SMAP1: variants seen among roughly 807,000 people sequenced by gnomAD.
SMAP1 encodes stromal membrane-associated protein 1.
In SMAP1, 24 loss-of-function variants were observed where a neutral mutation model predicts 58.5. That is an observed-to-expected ratio of 0.41 (90% CI 0.30 to 0.58). The LOEUF is 0.58. Among genes scored for constraint, SMAP1 ranks in the 20% least tolerant of loss-of-function variants. The pLI is 0.29. For synonymous variants in SMAP1, 216 were observed against 196.6 expected (o/e 1.10, Z -0.82); for missense variants, 563 against 566.3 (o/e 0.99, Z 0.06).
At chr6:70,821,831 A>C (rs1192428751) in intron 6 of SMAP1, among the ~76,000 whole-genome samples, 1 of 152,210 alleles carries the variant, frequency 6.6e-6, no homozygotes, top group African/African-American at 2.4e-5. Flanking sequence ...AGTAACTGTG[A>C]TGATAAAGAA....
chr6:70,745,470 T>G (rs1785294697), intron 2 of SMAP1, among the ~76,000 whole-genome samples: 6 of 152,290 alleles, frequency 3.9e-5, no homozygotes, highest in Admixed American at 2.6e-4. Flanking sequence ...GTTTATCAAA[T>G]ATCAGATGGT....
rs539299419 is a variant in SMAP1 at position 70,692,997 on chromosome 6, A to G, written c.118+24856A>G. ...ACAGGGTTTCACCATGTTAGCCAGG[A>G]TGGTCTTGATCTCCTGACTTCATGA... On this transcript the variant is annotated intron_variant, in intron 1 of 10. Coordinates refer to ENST00000370455, the MANE Select transcript of SMAP1 (RefSeq NM_001044305.3). Among the ~76,000 whole-genome samples the G allele has an allele frequency of 2.6e-5, 4 of 152,046 alleles. No individual in the cohort carries two copies. The East Asian group carries it at 7.8e-4, about 30-fold the overall frequency.
intron 6 of SMAP1, among the ~76,000 whole-genome samples, chr6:70,832,336 GC>G (rs1770394951): frequency 6.6e-6 from 1 of 152,040 alleles, no homozygotes; most frequent in Admixed American, 6.6e-5. Context: ...GATAGGCTTT[GC>G]CCACCTTGAT....
intron 1 of SMAP1, among the ~76,000 whole-genome samples, chr6:70,706,554 A>T (rs889705226): frequency 1.3e-5 from 2 of 152,182 alleles, no homozygotes; most frequent in Non-Finnish European, 2.9e-5. Flanking sequence ...AAGTGAGTTC[A>T]TATTTTTGGT....
chr6:70,843,724 G>A (rs1433024327), intron 7 of SMAP1, among the ~76,000 whole-genome samples: 1 of 152,210 alleles, frequency 6.6e-6, no homozygotes, highest in Non-Finnish European at 1.5e-5. Flanking sequence ...TGGTTTAGAG[G>A]TAGTACCTGG....
At chr6:70,770,052 C>A (rs571032015) in intron 3 of SMAP1, among the ~76,000 whole-genome samples, 2 of 150,206 alleles carry the variant, frequency 1.3e-5, no homozygotes, top group South Asian at 4.2e-4. Context: ...CTTGAAAATT[C>A]TTTTAAGAAT....
chr6:70,843,547 G>T (rs1770879851), intron 7 of SMAP1, among the ~76,000 whole-genome samples: 1 of 152,176 alleles, frequency 6.6e-6, no homozygotes, highest in African/African-American at 2.4e-5. Context: ...ACAAAACTGG[G>T]ATTTAGACTG....
In SMAP1 at chr6:70,732,528, C is replaced by A; in HGVS notation, c.252+17C>A. 1 of 1,495,186 alleles carries A rather than the reference C, an allele frequency of 6.7e-7. No individual in the cohort carries two copies. The highest frequency in any genetic ancestry group is 8.9e-7 in the Non-Finnish European group (1 of 1,121,126). 92.6% of individuals were successfully genotyped at this position (1,495,186 alleles called of 1,614,324 possible). On this transcript the variant is annotated intron_variant, in intron 2 of 10. Coordinates refer to ENST00000370455, the MANE Select transcript of SMAP1 (RefSeq NM_001044305.3). ...CAGATACAGGTAAACATGACGTTAC[C>A]AAGAAATTATTTAAAATATTTAAAA...
chr6:70,689,541 T>G (rs1767071149), intron 1 of SMAP1, among the ~76,000 whole-genome samples: 1 of 152,196 alleles, frequency 6.6e-6, no homozygotes, highest in Admixed American at 6.5e-5. Context: ...TTCGAAGTTG[T>G]TATGCCTATT....
chr6:70,736,208 CT>C (rs775870476), intron 2 of SMAP1, among the ~76,000 whole-genome samples: 2 of 152,126 alleles, frequency 1.3e-5, no homozygotes, highest in Non-Finnish European at 2.9e-5. Flanking sequence ...TTACCCAAAA[CT>C]TACTTTGATT....
At chr6:70,680,878 C>T (rs1209178448) in intron 1 of SMAP1, among the ~76,000 whole-genome samples, 1 of 151,804 alleles carries the variant, frequency 6.6e-6, no homozygotes, top group African/African-American at 2.4e-5. Flanking sequence ...GCCACCACAC[C>T]CAGCTAATTT....
intron 6 of SMAP1, among the ~76,000 whole-genome samples, chr6:70,820,111 A>G (rs374572146): frequency 1.3e-5 from 2 of 152,208 alleles, no homozygotes; most frequent in African/African-American, 4.8e-5. Context: ...GATGTGATTA[A>G]AGATAAGGTT....
At chr6:70,782,758 T>C (rs2149927165) in intron 4 of SMAP1, among the ~76,000 whole-genome samples, 1 of 152,306 alleles carries the variant, frequency 6.6e-6, no homozygotes, top group South Asian at 2.1e-4. Flanking sequence ...GAGGGCTTTA[T>C]TGTTCTTTGG....
chr6:70,783,773 A>G (rs907099233), intron 4 of SMAP1, among the ~76,000 whole-genome samples: 7 of 152,200 alleles, frequency 4.6e-5, no homozygotes, highest in African/African-American at 1.7e-4. Context: ...AAAGAAACGA[A>G]CAAAGTCTCC....
At chr6:70,697,472 A>C (rs1180626190) in intron 1 of SMAP1, among the ~76,000 whole-genome samples, 1 of 151,526 alleles carries the variant, frequency 6.6e-6, no homozygotes, top group Non-Finnish European at 1.5e-5. Flanking sequence ...CACCCAGCTA[A>C]TTTTTTTGTA....
intron 6 of SMAP1, among the ~76,000 whole-genome samples, chr6:70,824,420 C>T (rs1300099865): frequency 6.6e-6 from 1 of 152,022 alleles, no homozygotes; most frequent in East Asian, 1.9e-4. Context: ...GTTTAGAAAA[C>T]AGGAATAAAA....
intron 4 of SMAP1, among the ~76,000 whole-genome samples, chr6:70,788,603 C>G (rs1037467709): frequency 1.3e-5 from 2 of 152,038 alleles, no homozygotes; most frequent in Non-Finnish European, 2.9e-5. Flanking sequence ...TGAGTAGGAA[C>G]TAATAGAAGC....
intron 6 of SMAP1, among the ~76,000 whole-genome samples, chr6:70,825,432 T>C (rs1441938613): frequency 6.6e-6 from 1 of 152,160 alleles, no homozygotes; most frequent in Non-Finnish European, 1.5e-5. Context: ...CTTTTTTTTT[T>C]CCTTCTCTGC....
intron 6 of SMAP1, among the ~76,000 whole-genome samples, chr6:70,805,314 C>G (rs1009028853): frequency 7.9e-5 from 12 of 152,274 alleles, no homozygotes; most frequent in Admixed American, 2.0e-4. Context: ...CTTGTGCATG[C>G]GTCACAAAGT....
Sources: allele counts gnomAD v4.1 joint callset (sites outside exome capture counted in the v4.1 genomes callset), GRCh38; gene constraint gnomAD v4.1.1; transcripts MANE v1.5; gene names NCBI Gene and HGNC (gene_info 2026-07-23, HGNC 2026-07-21).